The following MED17 variants were observed in gnomAD, a reference collection of about 807,000 sequenced individuals.
MED17 encodes the protein mediator complex subunit 17, also known as mediator of RNA polymerase II transcription subunit 17.
MED17 carries 49 observed loss-of-function variants against 80.8 expected under a neutral mutation model. The ratio of observed to expected loss-of-function variants is 0.61; its 90% CI spans 0.48 to 0.77. The LOEUF (loss-of-function observed/expected upper bound fraction) is 0.77. MED17 is among the 30% of genes least tolerant of loss of function. The pLI is 0.00. For missense variants in MED17, 718 were observed against 787.0 expected (o/e 0.91, Z 1.05); for synonymous variants, 281 against 280.4 (o/e 1.00, Z -0.02).
chr11:93,788,218 G>A (rs760168963), intron 2 of MED17, 51 bp downstream of exon 2: 6 of 1,521,826 alleles, frequency 3.9e-6, no homozygotes, highest in Non-Finnish European at 4.5e-6. Flanking sequence ...TAAATCCCAG[G>A]ACCCTTTTTT....
intron 9 of MED17, chr11:93,805,975 C>CTTTTTTTTT (rs71064787): frequency 1.7e-4 from 11 of 65,588 alleles, no homozygotes; most frequent in South Asian, 8.5e-4. Flanking sequence ...GACCCTGTCT[C>CTTTTTTTTT]TTTTTTTTTT....
intron 1 of MED17, among the ~76,000 whole-genome samples, chr11:93,786,857 A>G (rs1943775968): frequency 6.6e-6 from 1 of 152,220 alleles, no homozygotes; most frequent in African/African-American, 2.4e-5. Flanking sequence ...TACAGGGTAT[A>G]TATTCAAGAT....
Position 93,788,185 on chromosome 11 carries a change from T to C in MED17, c.417+18T>C, listed in dbSNP as rs2135709574. ...CAAAACAGGTATTTGTGGACTTTAA[T>C]TGAATAATAAAATTTTATTTATTAA... On this transcript the variant is annotated intron_variant, in intron 2 of 11. Transcript: ENST00000251871. 1 of 1,600,940 alleles carries C rather than the reference T, an allele frequency of 6.2e-7. No homozygotes were observed. Among genetic ancestry groups the C allele is most frequent in the South Asian group, 1.1e-5 (1 of 90,272 alleles).
chr11:93,805,433 T>C (rs960281868), intron 9 of MED17, among the ~76,000 whole-genome samples: 6 of 152,074 alleles, frequency 3.9e-5, no homozygotes, highest in African/African-American at 1.4e-4. Context: ...AAACAAAAAT[T>C]AGCTGGGTGT....
At chr11:93,799,178 ATTTT>A (rs377623926) in intron 8 of MED17, among the ~76,000 whole-genome samples, 32 of 116,740 alleles carry the variant, frequency 2.7e-4, no homozygotes, top group East Asian at 1.0e-3. Flanking sequence ...TCTACAAGAA[ATTTT>A]TTTTTTTTTT....
intron 5 of MED17, chr11:93,794,608 G>A (rs1018507226): frequency 1.3e-5 from 6 of 447,358 alleles, no homozygotes; most frequent in Non-Finnish European, 2.0e-5. Context: ...ACCCAGTGAG[G>A]TTTATCTGTG....
chr11:93,798,829 CA>C (rs1385844299), intron 8 of MED17, among the ~76,000 whole-genome samples: 1 of 152,134 alleles, frequency 6.6e-6, no homozygotes, highest in East Asian at 1.9e-4. Flanking sequence ...ACCATTAATA[CA>C]GTTCAACTTA....
chr11:93,806,734 A>C (rs988499700), intron 9 of MED17: 17 of 152,236 alleles, frequency 1.1e-4, no homozygotes, highest in African/African-American at 3.1e-4. Flanking sequence ...TATAGTAAAA[A>C]TGATCTCAAA....
At chr11:93,809,571 AC>A in intron 10 of MED17, 145 bp from the exon 11 acceptor site, 1 of 813,196 alleles carries the variant, frequency 1.2e-6, no homozygotes, top group East Asian at 2.5e-5. Context: ...CCCCTAAGTT[AC>A]GCACAGGAGG....
At chr11:93,811,745 G>T in intron 11 of MED17, 108 bp from the exon 12 acceptor site, 1 of 1,002,900 alleles carries the variant, frequency 1.0e-6, no homozygotes, top group Non-Finnish European at 1.5e-6. Context: ...TATTTAAGTT[G>T]GTAGACAAAG....
At chr11:93,808,145 C>G (rs900911048) in intron 10 of MED17, 6 of 176,198 alleles carry the variant, frequency 3.4e-5, no homozygotes, top group Non-Finnish European at 6.0e-5. Context: ...GAGAGTATCA[C>G]TTCAGGTTGG....
chr11:93,792,648 A>C lies in MED17; in HGVS notation c.638-1080A>C, dbSNP rs555401383. On this transcript the variant is annotated intron_variant, in intron 3 of 11. Transcript: ENST00000251871. ...CCTACACAAAAACACATCACATAAAATCTAGGAACTGGGCTGGGCATGGGG... is the reference window on the plus strand; with the variant it reads ...CCTACACAAAAACACATCACATAAACTCTAGGAACTGGGCTGGGCATGGGG... Among the ~76,000 whole-genome samples, 7 of 152,292 alleles carry C rather than the reference A, an allele frequency of 4.6e-5. No individual in the cohort carries two copies. In the East Asian group the frequency reaches 1.4e-3, roughly 29 times the overall value.
intron 3 of MED17, among the ~76,000 whole-genome samples, chr11:93,792,845 G>A (rs1035513085): frequency 6.6e-6 from 1 of 152,138 alleles, no homozygotes; most frequent in Non-Finnish European, 1.5e-5. Flanking sequence ...GGAGGCTGAA[G>A]TGGGAGGATT....
At chr11:93,787,614 A>G (rs557978652) in intron 1 of MED17, among the ~76,000 whole-genome samples, 1 of 152,200 alleles carries the variant, frequency 6.6e-6, no homozygotes, top group South Asian at 2.1e-4. Flanking sequence ...AAGATATGCT[A>G]ATAGTGGCTG....
intron 9 of MED17, 100 bp downstream of exon 9, chr11:93,802,072 G>A: frequency 8.9e-7 from 1 of 1,123,072 alleles, no homozygotes; most frequent in Middle Eastern, 3.0e-4. Flanking sequence ...TTGCTAGGGT[G>A]GCATAATATT....
In MED17 at chr11:93,796,363, C is replaced by G. The variant is rs759491903; in HGVS notation, c.1013-47C>G. The G allele has an allele frequency of 2.0e-5, 30 of 1,524,566 alleles. No homozygotes were observed. In the Middle Eastern group the frequency reaches 7.4e-4, roughly 38 times the overall value. The allele number at this position is 1,524,566 out of a possible 1,614,324, so 94.4% of individuals were successfully genotyped here. On this transcript the variant is annotated intron_variant, in intron 6 of 11. Coordinates refer to ENST00000251871, the MANE Select transcript of MED17 (RefSeq NM_004268.5). ...CTTTATGAAGACAGTTTATGCCTTT[C>G]CATATTTCAGGTTATTTACATATGT...
intron 11 of MED17, chr11:93,811,409 G>T (rs548228870): frequency 3.3e-5 from 6 of 183,254 alleles, no homozygotes; most frequent in African/African-American, 4.8e-5. Context: ...GGTGGCTCAC[G>T]CCTGTAATCC....
At chr11:93,791,543 A>G (rs1943836248) in intron 3 of MED17, among the ~76,000 whole-genome samples, 1 of 152,126 alleles carries the variant, frequency 6.6e-6, no homozygotes, top group Admixed American at 6.5e-5. Flanking sequence ...CATCTCTACA[A>G]AAAATACAAA....
chr11:93,804,047 G>GCACA (rs141620991), intron 9 of MED17, among the ~76,000 whole-genome samples: 2 of 136,706 alleles, frequency 1.5e-5, no homozygotes, highest in South Asian at 2.3e-4. Flanking sequence ...ATATACACAC[G>GCACA]CACACACACA....
Sources: gnomAD v4.1 joint callset for allele counts (sites outside exome capture counted in the v4.1 genomes callset) on GRCh38, gnomAD v4.1.1 for gene constraint, MANE v1.5 for transcripts, NCBI Gene and HGNC (gene_info 2026-07-23, HGNC 2026-07-21) for gene names.